AFF2: variants seen among roughly 807,000 people sequenced by gnomAD.
The protein encoded by AFF2 is AF4/FMR2 family member 2.
AFF2 carries 14 observed loss-of-function variants against 76.9 expected under a neutral mutation model. The observed-to-expected ratio is 0.18, with a 90% CI of 0.12 to 0.28. AFF2 has a LOEUF of 0.28. Ranked by LOEUF, AFF2 falls within the 10% of genes least tolerant of loss-of-function variation. The probability of loss-of-function intolerance (pLI) is 1.00; values close to 1 mark genes in which losing one functional copy is unlikely to be tolerated. For missense variants in AFF2, 868 were observed against 1,001.1 expected (o/e 0.87, Z 1.79); for synonymous variants, 398 against 366.7 (o/e 1.09, Z -0.98).
At chrX:148,512,900 C>T (rs1466741676) in intron 1 of AFF2, among the ~76,000 whole-genome samples, 1 of 111,325 alleles carries the variant, frequency 9.0e-6, no homozygotes, top group Non-Finnish European at 1.9e-5. Context: ...TTTCATATCT[C>T]GTTAGATGAC....
intron 3 of AFF2, among the ~76,000 whole-genome samples, chrX:148,682,076 T>C (rs2054556742): frequency 8.9e-6 from 1 of 111,878 alleles, no homozygotes; most frequent in African/African-American, 3.2e-5. Context: ...AGAAGGGTAG[T>C]GATGGGTGGT....
rs1206083567 is a variant in AFF2 at position 148,851,298 on chromosome X, T to C, written c.1262+7865T>C. Among the ~76,000 whole-genome samples, 5 of 111,887 alleles carry C rather than the reference T, an allele frequency of 4.5e-5. No individual in the cohort carries two copies. In the East Asian group the frequency reaches 1.4e-3, roughly 31 times the overall value. On this transcript the variant is annotated intron_variant, in intron 7 of 20. Transcript: ENST00000370460. ...TGAAGAATCTGACAAATGCCTTTCT[T>C]TGTGGTTCATCCACCCACTTTAACA...
At chrX:148,958,216 C>T in intron 11 of AFF2, 121 bp from the exon 12 acceptor site, 1 of 975,535 alleles carries the variant, frequency 1.0e-6, no homozygotes, top group Non-Finnish European at 1.4e-6. Context: ...AACTCACCTA[C>T]CTAATCTAGA....
chrX:148,718,007 T>C (rs1223860399), intron 3 of AFF2, among the ~76,000 whole-genome samples: 2 of 106,088 alleles, frequency 1.9e-5, no homozygotes, highest in Non-Finnish European at 3.8e-5. Context: ...TTCCTTTACA[T>C]GATATTTCCC....
Position 148,958,562 on chromosome X carries a change from G to A in AFF2, c.2690+104G>A, listed in dbSNP as rs1346193647. ...GGGATCTTGCCCCAGAAGACTTTAAGGTAAAAAACAGGAGTCTCTCAGTCA... is the reference window on the plus strand; with the variant it reads ...GGGATCTTGCCCCAGAAGACTTTAAAGTAAAAAACAGGAGTCTCTCAGTCA... On this transcript the variant is annotated intron_variant, in intron 12 of 20. Coordinates refer to ENST00000370460, the MANE Select transcript of AFF2 (RefSeq NM_002025.4). 2.9e-6 allele frequency: 3 copies of A among 1,043,649 alleles called. No homozygotes were observed. The Admixed American group carries it at 8.8e-5, about 31-fold the overall frequency. 86.0% of individuals were successfully genotyped at this position (1,043,649 alleles called of 1,213,427 possible).
At chrX:148,883,806 A>T (rs1341563317) in intron 7 of AFF2, among the ~76,000 whole-genome samples, 1 of 111,436 alleles carries the variant, frequency 9.0e-6, no homozygotes, top group Non-Finnish European at 1.9e-5. Flanking sequence ...CAGCTGTAAC[A>T]TCATCTCCTT....
chrX:148,560,446 G>A (rs1252840661), intron 1 of AFF2, among the ~76,000 whole-genome samples: 4 of 111,870 alleles, frequency 3.6e-5, no homozygotes, highest in South Asian at 3.7e-4. Context: ...GAAAACCTAG[G>A]CAATACTATT....
intron 19 of AFF2, among the ~76,000 whole-genome samples, chrX:148,983,218 T>G (rs369557502): frequency 8.9e-6 from 1 of 111,781 alleles, no homozygotes; most frequent in East Asian, 2.8e-4. Flanking sequence ...CACAGAGAGA[T>G]AATAAAAAGA....
At position 148,581,388 on chromosome X, in the gene AFF2, G is replaced by GTATACACA. The variant is rs1442417040; in HGVS notation, c.48-70607_48-70606insCACATATA. On this transcript the variant is annotated intron_variant, in intron 1 of 20. Transcript: ENST00000370460. ...CGTATACGTGTACACACATATACAC[G>GTATACACA]TATATACGTATACGTGTACACACAT... 3.7e-3 allele frequency among the ~76,000 whole-genome samples: 48 copies of GTATACACA among 13,124 alleles called. 10 individuals carry two copies. Among genetic ancestry groups the GTATACACA allele is most frequent in the African/African-American group, 8.3e-3 (47 of 5,662 alleles). 11.4% of individuals were successfully genotyped at this position (13,124 alleles called of 115,157 possible).
At chrX:148,579,984 A>C (rs1208005468) in intron 1 of AFF2, among the ~76,000 whole-genome samples, 1 of 111,718 alleles carries the variant, frequency 9.0e-6, no homozygotes, top group African/African-American at 3.3e-5. Flanking sequence ...CCTTTGGGTC[A>C]GGCATCACTA....
chrX:148,941,857 ATTT>A (rs1569557324), intron 9 of AFF2, among the ~76,000 whole-genome samples: 1 of 112,058 alleles, frequency 8.9e-6, no homozygotes, highest in African/African-American at 3.3e-5. Context: ...GTTGATACAC[ATTT>A]CACAGTTAAG....
At chrX:148,653,356 C>T (rs1335724639) in intron 2 of AFF2, among the ~76,000 whole-genome samples, 1 of 105,175 alleles carries the variant, frequency 9.5e-6, no homozygotes, top group Non-Finnish European at 2.1e-5. Flanking sequence ...CACTGCCTTA[C>T]ACCAGTGTAC....
intron 1 of AFF2, among the ~76,000 whole-genome samples, chrX:148,554,820 T>G (rs942007060): frequency 8.9e-6 from 1 of 112,282 alleles, no homozygotes; most frequent in Admixed American, 9.4e-5. Context: ...TGGCACAGAA[T>G]GAATGTTCAA....
At chrX:148,676,824 AAAAG>A (rs1289879633) in intron 3 of AFF2, among the ~76,000 whole-genome samples, 1 of 111,571 alleles carries the variant, frequency 9.0e-6, no homozygotes, top group Non-Finnish European at 1.9e-5. Flanking sequence ...TTTGGAGAGA[AAAAG>A]AAAGATTGGT....
At chrX:148,690,589 C>A (rs781936841) in intron 3 of AFF2, among the ~76,000 whole-genome samples, 1 of 112,278 alleles carries the variant, frequency 8.9e-6, no homozygotes, top group East Asian at 2.8e-4. Context: ...GTGTTTAGGC[C>A]TCTGCCAGCC....
intron 9 of AFF2, among the ~76,000 whole-genome samples, chrX:148,907,895 T>G (rs1224457487): frequency 2.7e-5 from 3 of 110,155 alleles, no homozygotes; most frequent in Non-Finnish European, 5.7e-5. Flanking sequence ...ATCCCACAGC[T>G]GCAACCGTAA....
At chrX:148,824,060 C>CCTCTCT (rs60032031) in intron 4 of AFF2, among the ~76,000 whole-genome samples, 1,534 of 96,514 alleles carry the variant, frequency 0.016, 15 homozygotes, top group East Asian at 0.031. Flanking sequence ...ATATTTGCTT[C>CCTCTCT]CTCTCTCTCT....
At chrX:148,801,936 A>G (rs1207894467) in intron 3 of AFF2, among the ~76,000 whole-genome samples, 1 of 111,451 alleles carries the variant, frequency 9.0e-6, no homozygotes, top group Non-Finnish European at 1.9e-5. Flanking sequence ...GATCGAGGAT[A>G]CAAATCACCT....
chrX:148,963,394 C>G (rs1412383585), intron 13 of AFF2, among the ~76,000 whole-genome samples: 1 of 111,649 alleles, frequency 9.0e-6, no homozygotes, highest in Non-Finnish European at 1.9e-5. Context: ...TTTGCCTTAG[C>G]CTGTGATTAA....
Sources: allele counts gnomAD v4.1 joint callset (sites outside exome capture counted in the v4.1 genomes callset), GRCh38; gene constraint gnomAD v4.1.1; transcripts MANE v1.5; gene names NCBI Gene and HGNC (gene_info 2026-07-23, HGNC 2026-07-21).